The following SHISA9 variants were observed in gnomAD, a reference collection of about 807,000 sequenced individuals.
The protein encoded by SHISA9 is protein shisa-9.
Under a neutral mutation model 38.0 loss-of-function variants are expected in SHISA9, and 13 were observed. The observed-to-expected ratio is 0.34, with a 90% CI of 0.22 to 0.54. The LOEUF (loss-of-function observed/expected upper bound fraction) is 0.54, where lower values mean the gene tolerates loss of function less well. Ranked by LOEUF, SHISA9 falls within the 20% of genes least tolerant of loss-of-function variation. The probability of loss-of-function intolerance (pLI) is 0.91; values close to 1 mark genes in which losing one functional copy is unlikely to be tolerated. For synonymous variants in SHISA9, 275 were observed against 242.0 expected, an observed-to-expected ratio of 1.14 and a Z score of -1.27; for missense variants, 538 against 575.8, an observed-to-expected ratio of 0.93 and a Z score of 0.67.
the SHISA9 span, among the ~76,000 whole-genome samples, chr16:13,300,945 CTT>C: frequency 1.3e-5 from 2 of 151,068 alleles, no homozygotes; most frequent in Non-Finnish European, 2.9e-5. Flanking sequence ...TTCTCTTACT[CTT>C]TCTTTCTCTT....
chr16:12,972,454 T>C (rs192923740), intron 2 of SHISA9, among the ~76,000 whole-genome samples: 11 of 152,254 alleles, frequency 7.2e-5, no homozygotes, highest in Admixed American at 7.2e-4. Context: ...GAGTGATATA[T>C]AATGAGGTGA....
At chr16:13,305,463 T>A in the SHISA9 span, among the ~76,000 whole-genome samples, 1 of 152,168 alleles carries the variant, frequency 6.6e-6, no homozygotes, top group East Asian at 1.9e-4. Flanking sequence ...ATAATGTGCC[T>A]CATGAGAATG....
chr16:13,062,952 C>T lies in SHISA9; in HGVS notation c.692-140442C>T, dbSNP rs186090655. Among the ~76,000 whole-genome samples, 220 of 145,916 alleles carry T rather than the reference C, an allele frequency of 1.5e-3. 1 individual carries two copies. Among genetic ancestry groups the T allele is most frequent in the African/African-American group, 5.0e-3 (199 of 39,634 alleles). On this transcript the variant is annotated intron_variant, in intron 2 of 4. Coordinates refer to ENST00000558583, the MANE Select transcript of SHISA9 (RefSeq NM_001145204.3). The stretch of plus-strand genomic sequence containing the variant: ...GCGAGGCTAGATGCACTTGCCTGGG[C>T]GTGCTTTCGGACGCATCCCTCACTA...
chr16:12,965,954 T>C (rs2071972686), intron 2 of SHISA9, among the ~76,000 whole-genome samples: 2 of 152,240 alleles, frequency 1.3e-5, no homozygotes, highest in African/African-American at 4.8e-5. Context: ...AACCTCATAC[T>C]TCACTGCATT....
At chr16:13,447,524 C>A in the SHISA9 span, among the ~76,000 whole-genome samples, 1 of 152,168 alleles carries the variant, frequency 6.6e-6, no homozygotes, top group East Asian at 1.9e-4. Context: ...CCTGCTAGAC[C>A]CACTACAGAT....
At chr16:13,493,050 A>G in the SHISA9 span, among the ~76,000 whole-genome samples, 1 of 152,326 alleles carries the variant, frequency 6.6e-6, no homozygotes, top group Non-Finnish European at 1.5e-5. Flanking sequence ...TGTTATGTAA[A>G]GCTATTGGAG....
At chr16:13,410,988 T>G in the SHISA9 span, among the ~76,000 whole-genome samples, 1 of 152,148 alleles carries the variant, frequency 6.6e-6, no homozygotes, top group Non-Finnish European at 1.5e-5. Context: ...AAAAAAATAT[T>G]AGGAGAAGCT....
chr16:13,215,692 T>C (rs1260638603), intron 4 of SHISA9, among the ~76,000 whole-genome samples: 1 of 152,208 alleles, frequency 6.6e-6, no homozygotes, highest in Non-Finnish European at 1.5e-5. Context: ...TAACTTCACC[T>C]GTCCTGCTAA....
the SHISA9 span, among the ~76,000 whole-genome samples, chr16:13,361,347 C>T: frequency 3.3e-4 from 51 of 152,322 alleles, no homozygotes; most frequent in Non-Finnish European, 3.4e-4. Context: ...TTGCTTAAGC[C>T]GGAAACCTGG....
At chr16:13,147,839 G>C (rs153078) in intron 2 of SHISA9, among the ~76,000 whole-genome samples, 138,590 of 152,220 alleles carry the variant, frequency 0.91, 63,299 homozygotes, top group African/African-American at 0.98. Context: ...TTCATTTTTG[G>C]ACACCTCCAC....
the SHISA9 span, among the ~76,000 whole-genome samples, chr16:13,522,451 A>G: frequency 6.6e-6 from 1 of 152,008 alleles, no homozygotes; most frequent in South Asian, 2.1e-4. Flanking sequence ...ATGCTTTGCT[A>G]TTAATGATGT....
At chr16:13,243,637 A>T (rs377371724), downstream of SHISA9, among the ~76,000 whole-genome samples, 19 of 152,252 alleles carry the variant, frequency 1.2e-4, no homozygotes, top group South Asian at 4.2e-4. Flanking sequence ...AATGTTTCTT[A>T]TCAGACTTAA....
chr16:12,939,114 C>T (rs1247427347), intron 2 of SHISA9, among the ~76,000 whole-genome samples: 2 of 151,990 alleles, frequency 1.3e-5, no homozygotes, highest in African/African-American at 4.8e-5. Flanking sequence ...GATGGAGTCT[C>T]CCTCTGTCAC....
chr16:13,388,308 G>A, the SHISA9 span, among the ~76,000 whole-genome samples: 1 of 148,048 alleles, frequency 6.8e-6, no homozygotes, highest in East Asian at 1.9e-4. Flanking sequence ...AGAATTTGGG[G>A]AATTTTTTTT....
At chr16:13,272,938 G>T in the SHISA9 span, among the ~76,000 whole-genome samples, 1 of 152,016 alleles carries the variant, frequency 6.6e-6, no homozygotes, top group African/African-American at 2.4e-5. Context: ...CTCTCTCTCT[G>T]TTTTTATTTG....
the SHISA9 span, among the ~76,000 whole-genome samples, chr16:13,452,167 G>A: frequency 5.9e-5 from 9 of 152,180 alleles, no homozygotes; most frequent in African/African-American, 9.7e-5. Context: ...CTGGCTTCCC[G>A]AAGACAAGTA....
chr16:13,263,493 G>A, the SHISA9 span, among the ~76,000 whole-genome samples: 1 of 152,178 alleles, frequency 6.6e-6, no homozygotes, highest in Non-Finnish European at 1.5e-5. Context: ...CATTGGCCAT[G>A]TAAGACATCC....
intron 2 of SHISA9, among the ~76,000 whole-genome samples, chr16:13,162,178 G>A (rs1383534937): frequency 6.6e-6 from 1 of 152,166 alleles, no homozygotes; most frequent in Non-Finnish European, 1.5e-5. Flanking sequence ...GGTATTCAGA[G>A]GGGGTGGGAG....
intron 2 of SHISA9, among the ~76,000 whole-genome samples, chr16:12,918,530 T>G (rs1386911591): frequency 5.3e-5 from 8 of 152,332 alleles, no homozygotes; most frequent in African/African-American, 1.9e-4. Context: ...GCGGGAAACC[T>G]TAATGAATGT....
Sources: allele counts gnomAD v4.1 joint callset (sites outside exome capture counted in the v4.1 genomes callset), GRCh38; gene constraint gnomAD v4.1.1; transcripts MANE v1.5; gene names NCBI Gene and HGNC (gene_info 2026-07-23, HGNC 2026-07-21).